Variants in CCSER1 observed in about 807,000 individuals in gnomAD.
CCSER1 encodes serine-rich coiled-coil domain-containing protein 1.
Under a neutral mutation model 82.0 loss-of-function variants are expected in CCSER1, and 41 were observed. That is an observed-to-expected ratio of 0.50 (90% CI 0.39 to 0.65). CCSER1 has a LOEUF of 0.65. CCSER1 is among the 30% of genes least tolerant of loss of function. The pLI is 0.00. For synonymous variants in CCSER1, 414 were observed against 383.9 expected, an observed-to-expected ratio of 1.08 and a Z score of -0.92; for missense variants, 1,119 against 1,064.2, an observed-to-expected ratio of 1.05 and a Z score of -0.72.
At chr4:91,139,464 T>C (rs908779577) in intron 10 of CCSER1, among the ~76,000 whole-genome samples, 10 of 152,192 alleles carry the variant, frequency 6.6e-5, no homozygotes, top group Admixed American at 3.3e-4. Flanking sequence ...TATTTCTAAG[T>C]GCGCTGCGAT....
At chr4:90,409,890 CAT>C (rs1754401721) in intron 4 of CCSER1, among the ~76,000 whole-genome samples, 1 of 152,118 alleles carries the variant, frequency 6.6e-6, no homozygotes, top group Admixed American at 6.5e-5. Flanking sequence ...AAACCCATCT[CAT>C]GTGCAGAGAC....
chr4:90,530,053 A>C (rs1242794460), intron 5 of CCSER1, among the ~76,000 whole-genome samples: 1 of 152,098 alleles, frequency 6.6e-6, no homozygotes, highest in African/African-American at 2.4e-5. Flanking sequence ...TAGGATTAAA[A>C]GCACAAATGA....
chr4:91,438,890 GATGAA>G lies in CCSER1; in HGVS notation c.2218-159676_2218-159672del, dbSNP rs1290665374. ...GGAAGAAAGGGTATCAGTGATGGAA[GATGAA>G]ATGAACGAAATGAAGCAAGAAGGGA... On this transcript the variant is annotated intron_variant, in intron 10 of 10. Coordinates refer to ENST00000509176, the MANE Select transcript of CCSER1 (RefSeq NM_001145065.2). 5.9e-5 allele frequency among the ~76,000 whole-genome samples: 9 copies of G among 152,276 alleles called. 1 individual carries two copies. The highest frequency in any genetic ancestry group is 2.2e-4 in the African/African-American group (9 of 41,562).
intron 5 of CCSER1, among the ~76,000 whole-genome samples, chr4:90,547,338 A>G (rs551457338): frequency 3.9e-5 from 6 of 152,134 alleles, no homozygotes; most frequent in Non-Finnish European, 7.4e-5. Flanking sequence ...TTCTATTAGA[A>G]ATGCCTGATG....
intron 10 of CCSER1, among the ~76,000 whole-genome samples, chr4:91,128,642 C>T (rs111837745): frequency 3.3e-5 from 5 of 151,944 alleles, no homozygotes; most frequent in East Asian, 1.9e-4. Context: ...CCAAAGAGCT[C>T]GGAGTGAGGA....
intron 1 of CCSER1, among the ~76,000 whole-genome samples, chr4:90,128,378 C>T (rs1301284305): frequency 6.6e-6 from 1 of 152,244 alleles, no homozygotes; most frequent in Non-Finnish European, 1.5e-5. Context: ...TGCTTGTCCT[C>T]TGGCGCCAGT....
chr4:90,610,483 G>GTATAAATAGATACATATGATATAAA (rs1785323199), intron 5 of CCSER1, among the ~76,000 whole-genome samples: 2 of 152,016 alleles, frequency 1.3e-5, no homozygotes, highest in Non-Finnish European at 2.9e-5. Flanking sequence ...ATTCATACAC[G>GTATAAATAGATACATATGATATAAA]TATAAATAGA....
intron 10 of CCSER1, among the ~76,000 whole-genome samples, chr4:91,119,501 G>T (rs1357933894): frequency 6.6e-6 from 1 of 151,624 alleles, no homozygotes; most frequent in Non-Finnish European, 1.5e-5. Context: ...ATATTTCTTT[G>T]AGATGTTAAA....
intron 1 of CCSER1, among the ~76,000 whole-genome samples, chr4:90,247,632 T>C (rs1284391097): frequency 6.6e-6 from 1 of 152,102 alleles, no homozygotes; most frequent in Non-Finnish European, 1.5e-5. Context: ...GGAAAACATG[T>C]TTCTATACCA....
intron 10 of CCSER1, among the ~76,000 whole-genome samples, chr4:91,230,818 C>A (rs1006703809): frequency 6.6e-6 from 1 of 151,542 alleles, no homozygotes; most frequent in African/African-American, 2.4e-5. Context: ...TTAAAATATA[C>A]AAAATAATGA....
At chr4:90,766,048 G>A (rs940832615) in intron 7 of CCSER1, among the ~76,000 whole-genome samples, 7 of 151,962 alleles carry the variant, frequency 4.6e-5, no homozygotes, top group African/African-American at 1.7e-4. Flanking sequence ...AAAAAAAAGG[G>A]AAAATGTGTG....
At chr4:90,777,484 TGAAAACTGTGCTTTCATGAATACTA>T (rs1346299692) in intron 7 of CCSER1, among the ~76,000 whole-genome samples, 3 of 152,150 alleles carry the variant, frequency 2.0e-5, no homozygotes, top group Non-Finnish European at 4.4e-5. Context: ...ATGGATAATT[TGAAAACTGTGCTTTCATGAATACTA>T]GAAAACTGTG....
At chr4:90,793,547 C>T (rs929091361) in intron 7 of CCSER1, among the ~76,000 whole-genome samples, 10 of 144,708 alleles carry the variant, frequency 6.9e-5, no homozygotes, top group Non-Finnish European at 1.4e-4. Flanking sequence ...TGTTTATATA[C>T]CACATTTTTT....
intron 10 of CCSER1, among the ~76,000 whole-genome samples, chr4:91,523,508 C>A (rs562987729): frequency 2.8e-4 from 42 of 152,098 alleles, no homozygotes; most frequent in Non-Finnish European, 5.3e-4. Context: ...TGGTTCTGGA[C>A]TTCTTTTTGT....
chr4:90,829,237 G>A (rs116017152), intron 8 of CCSER1, among the ~76,000 whole-genome samples: 8 of 152,204 alleles, frequency 5.3e-5, no homozygotes, highest in African/African-American at 1.9e-4. Context: ...GAAGTGCTAA[G>A]ATCATCTGCT....
Position 90,408,240 on chromosome 4 carries a change from C to T in CCSER1, c.1603+8111C>T, listed in dbSNP as rs1469627994. 3.9e-5 allele frequency among the ~76,000 whole-genome samples: 6 copies of T among 152,186 alleles called. No homozygotes were observed. The South Asian group carries it at 1.2e-3, about 31-fold the overall frequency. ...CAGACAAACAAAAGACAGCAATAAC[C>T]TCTGCAGACTTAAATGTCCTTGTCT... On this transcript the variant is annotated intron_variant, in intron 4 of 10. Transcript: ENST00000509176.
At chr4:91,024,081 T>A (rs1242838901) in intron 9 of CCSER1, among the ~76,000 whole-genome samples, 1 of 152,134 alleles carries the variant, frequency 6.6e-6, no homozygotes, top group Non-Finnish European at 1.5e-5. Flanking sequence ...AGGTCTCTCT[T>A]CCTCTTATAA....
intron 9 of CCSER1, among the ~76,000 whole-genome samples, chr4:90,981,676 CT>C (rs1157530825): frequency 6.6e-6 from 1 of 151,766 alleles, no homozygotes; most frequent in Non-Finnish European, 1.5e-5. Flanking sequence ...TCACATCCAT[CT>C]TGGAAGAATG....
chr4:91,090,962 A>G (rs1196656432), intron 10 of CCSER1, among the ~76,000 whole-genome samples: 3 of 152,038 alleles, frequency 2.0e-5, no homozygotes, highest in African/African-American at 7.2e-5. Context: ...TGCAGCTTCC[A>G]CTCATGCAGG....
Sources: allele counts gnomAD v4.1 joint callset (sites outside exome capture counted in the v4.1 genomes callset), GRCh38; gene constraint gnomAD v4.1.1; transcripts MANE v1.5; gene names NCBI Gene and HGNC (gene_info 2026-07-23, HGNC 2026-07-21).